SMAD3: variants seen among roughly 807,000 people sequenced by gnomAD.
SMAD3 encodes the protein MAD homolog 3.
A neutral mutation model predicts 51.8 loss-of-function variants in SMAD3; 12 were observed. That is an observed-to-expected ratio of 0.23 (90% CI 0.15 to 0.38). The LOEUF (loss-of-function observed/expected upper bound fraction) is 0.38, where lower values mean the gene tolerates loss of function less well. Among genes scored for constraint, SMAD3 ranks in the 10% least tolerant of loss-of-function variants. The probability of loss-of-function intolerance (pLI) is 1.00; values close to 1 mark genes in which losing one functional copy is unlikely to be tolerated. For missense variants in SMAD3, 294 were observed against 565.6 expected, an observed-to-expected ratio of 0.52 and a Z score of 4.87; for synonymous variants, 238 against 227.7, an observed-to-expected ratio of 1.05 and a Z score of -0.41.
intron 1 of SMAD3, among the ~76,000 whole-genome samples, chr15:67,097,440 C>T (rs1960638562): frequency 6.6e-6 from 1 of 152,012 alleles, no homozygotes. Flanking sequence ...AACAGAGTTT[C>T]ACTATGTTGC....
At position 67,112,597 on chromosome 15, in the gene SMAD3, T is replaced by C. The variant is rs554992361; in HGVS notation, c.206+46237T>C. Among the ~76,000 whole-genome samples, 4 of 134,514 alleles carry C rather than the reference T, an allele frequency of 3.0e-5. 1 individual carries two copies. In the South Asian group the frequency reaches 1.0e-3, roughly 34 times the overall value. 88.2% of individuals were successfully genotyped at this position (134,514 alleles called of 152,430 possible). The stretch of plus-strand genomic sequence containing the variant: ...TTATTTCTTTCAATTCTGTGGGTTG[T>C]TTTTTCACTCTCTTGATGGTGTTTT... On this transcript the variant is annotated intron_variant, in intron 1 of 8. Transcript: ENST00000327367.
intron 5 of SMAD3, 151 bp downstream of exon 5, chr15:67,170,755 G>GTTGAGGTCACCACGGAATGGGGAAAC (rs1403140535): frequency 3.0e-6 from 2 of 664,010 alleles, no homozygotes; most frequent in Non-Finnish European, 5.3e-6. Context: ...TTACGGTGAT[G>GTTGAGGTCACCACGGAATGGGGAAAC]TTGAGGTCAC....
At chr15:67,082,696 C>T (rs1960303718) in intron 1 of SMAD3, among the ~76,000 whole-genome samples, 1 of 152,116 alleles carries the variant, frequency 6.6e-6, no homozygotes, top group South Asian at 2.1e-4. Flanking sequence ...TAGGGAATAC[C>T]CTTGAGTCTT....
At position 67,098,929 on chromosome 15, in the gene SMAD3, C is replaced by T. The variant is rs547430813; in HGVS notation, c.206+32569C>T. 9 of 702,382 alleles carry T rather than the reference C, an allele frequency of 1.3e-5. No homozygotes were observed. In the East Asian group the frequency reaches 1.9e-4, roughly 15 times the overall value. 43.5% of individuals were successfully genotyped at this position (702,382 alleles called of 1,614,324 possible). On this transcript the variant is annotated intron_variant, in intron 1 of 8. Coordinates refer to ENST00000327367, the MANE Select transcript of SMAD3 (RefSeq NM_005902.4). Reference sequence around the variant, plus strand: ...CCAGTGTGGAGGAGGGTCAGGCAGCCCATGGAGATGGGACAGTGTTCTGAA... The same window carrying T: ...CCAGTGTGGAGGAGGGTCAGGCAGCTCATGGAGATGGGACAGTGTTCTGAA...
intron 1 of SMAD3, among the ~76,000 whole-genome samples, chr15:67,072,906 A>G (rs1012930856): frequency 6.6e-6 from 1 of 152,216 alleles, no homozygotes; most frequent in Non-Finnish European, 1.5e-5. Flanking sequence ...GACAATTCCA[A>G]GAGAACTTGT....
rs2140188161 is a variant in SMAD3 at position 67,065,850 on chromosome 15, G to C, written c.-305G>C. 4.6e-6 allele frequency: 1 copy of C among 216,860 alleles called. No individual in the cohort carries two copies. The highest frequency in any genetic ancestry group is 9.3e-6 in the Non-Finnish European group (1 of 107,754). The allele number at this position is 216,860 out of a possible 1,614,324, so 13.4% of individuals were successfully genotyped here. On this transcript the variant is annotated 5_prime_UTR_variant, in exon 1 of 9. Transcript: ENST00000327367. ...AAACCCAAACTTCTGCTGCCACTTGGAGTCTCGCGGCCGCCGCCTCCGCCC... is the reference window on the plus strand; with the variant it reads ...AAACCCAAACTTCTGCTGCCACTTGCAGTCTCGCGGCCGCCGCCTCCGCCC...
chr15:67,190,830 C>T lies in SMAD3; in HGVS notation c.*294C>T. 2.1e-6 allele frequency: 1 copy of T among 467,586 alleles called. No homozygotes were observed. The highest frequency in any genetic ancestry group is 3.9e-6 in the Non-Finnish European group (1 of 255,702). The allele number at this position is 467,586 out of a possible 1,614,324, so 29.0% of individuals were successfully genotyped here. On this transcript the variant is annotated 3_prime_UTR_variant, in exon 9 of 9. Coordinates refer to ENST00000327367, the MANE Select transcript of SMAD3 (RefSeq NM_005902.4). ...GAACAGGTAGTATTACACCACCGGC[C>T]CCCTCCCCCCAGACTCTTTTTTTGA...
chr15:67,129,985 T>C (rs914640590), intron 1 of SMAD3, among the ~76,000 whole-genome samples: 1 of 152,140 alleles, frequency 6.6e-6, no homozygotes, highest in African/African-American at 2.4e-5. Context: ...AGTGGAGTCA[T>C]TGAGCTCACT....
rs1238742885 is a variant in SMAD3, at chr15:67,181,197, GCTTGGGA to G, written c.659-42_659-36del. ...TGGGACCCCATCGAGGGAGCATGGG[GCTTGGGA>G]CACCCAATGACCCAGTAGCCCACCC... On this transcript the variant is annotated intron_variant, in intron 5 of 8. Coordinates refer to ENST00000327367, the MANE Select transcript of SMAD3 (RefSeq NM_005902.4). 4.0e-6 allele frequency: 6 copies of G among 1,487,284 alleles called. No individual in the cohort carries two copies. In the East Asian group the frequency reaches 1.4e-4, roughly 34 times the overall value. 92.1% of individuals were successfully genotyped at this position (1,487,284 alleles called of 1,614,324 possible).
In SMAD3 at chr15:67,164,922, C is replaced by T; in HGVS notation, c.234C>T (p.Ser78=). The T allele has an allele frequency of 6.2e-7, 1 of 1,613,294 alleles. No homozygotes were observed. The highest frequency in any genetic ancestry group is 8.5e-7 in the Non-Finnish European group (1 of 1,180,036). The change falls in exon 2 of 9, where the codon TCC becomes TCT. Residue 78 remains serine, a synonymous_variant. Coordinates refer to ENST00000327367, the MANE Select transcript of SMAD3 (RefSeq NM_005902.4). The stretch of plus-strand genomic sequence containing the variant: ...CCCTGGATGGCCGGTTGCAGGTGTC[C>T]CATCGGAAGGGGCTCCCTCATGTCA... The part of the protein sequence containing the change: ...PRSLDGRLQV[S]HRKGLPHVIY...
chr15:67,112,340 T>C (rs75831415), intron 1 of SMAD3, among the ~76,000 whole-genome samples: 15 of 141,444 alleles, frequency 1.1e-4, no homozygotes, highest in South Asian at 2.4e-4. Flanking sequence ...TTTTTTTTTT[T>C]AGTAGAGATG....
Position 67,181,789 on chromosome 15 carries a change from ATT to A in SMAD3, c.871+351_871+352del, listed in dbSNP as rs10713173. 8.4e-3 allele frequency among the ~76,000 whole-genome samples: 1,162 copies of A among 137,738 alleles called. 3 individuals carry two copies. Among genetic ancestry groups the A allele is most frequent in the African/African-American group, 0.01 (378 of 37,522 alleles). 90.4% of individuals were successfully genotyped at this position (137,738 alleles called of 152,430 possible). ...ATGAGAAAGGCAACATATGAAATCT[ATT>A]TTTTTTTTTTTTTTGGAGACAGAGT... is the stretch of plus-strand genomic sequence containing the variant. On this transcript the variant is annotated intron_variant, in intron 6 of 8. Transcript: ENST00000327367.
intron 1 of SMAD3, among the ~76,000 whole-genome samples, chr15:67,137,791 C>A (rs1218185603): frequency 6.6e-6 from 1 of 152,180 alleles, no homozygotes; most frequent in African/African-American, 2.4e-5. Context: ...GGCCAGAAGG[C>A]CCATAGGGTC....
intron 1 of SMAD3, among the ~76,000 whole-genome samples, chr15:67,153,122 T>G (rs2140279268): frequency 6.6e-6 from 1 of 152,224 alleles, no homozygotes; most frequent in South Asian, 2.1e-4. Context: ...GATGAGATAC[T>G]CAGCCTGCAG....
At chr15:67,190,008 T>C (rs1963318606) in intron 8 of SMAD3, among the ~76,000 whole-genome samples, 1 of 151,736 alleles carries the variant, frequency 6.6e-6, no homozygotes, top group Non-Finnish European at 1.5e-5. Flanking sequence ...GATTTCGAGA[T>C]AGGGGAGCGG....
At chr15:67,073,222 C>T (rs959356858) in intron 1 of SMAD3, among the ~76,000 whole-genome samples, 7 of 152,146 alleles carry the variant, frequency 4.6e-5, no homozygotes, top group Non-Finnish European at 7.3e-5. Flanking sequence ...TCCTTTGTTT[C>T]GACTTAACAG....
intron 1 of SMAD3, among the ~76,000 whole-genome samples, chr15:67,080,464 G>A (rs988407105): frequency 7.2e-5 from 11 of 152,110 alleles, no homozygotes; most frequent in African/African-American, 2.2e-4. Flanking sequence ...CTACTATGTC[G>A]GCACCATCAT....
rs949564107 is a variant in SMAD3 at position 67,184,658 on chromosome 15, C to T, written c.872-69C>T. ...CTGCTGTTCTGCCTCCTTTGCGAGC[C>T]TCAGGTGGCCCCAGGGCCATTGTGT... is the stretch of plus-strand genomic sequence containing the variant. On this transcript the variant is annotated intron_variant, in intron 6 of 8. Coordinates refer to ENST00000327367, the MANE Select transcript of SMAD3 (RefSeq NM_005902.4). The T allele has an allele frequency of 8.8e-6, 14 of 1,589,554 alleles. No homozygotes were observed. In the Admixed American group the frequency reaches 1.0e-4, roughly 11 times the overall value.
chr15:67,074,082 A>G (rs1960115506), intron 1 of SMAD3, among the ~76,000 whole-genome samples: 1 of 152,254 alleles, frequency 6.6e-6, no homozygotes, highest in Non-Finnish European at 1.5e-5. Context: ...GGTGTCAATT[A>G]ATTTACATAA....
Sources: allele counts gnomAD v4.1 joint callset (sites outside exome capture counted in the v4.1 genomes callset), GRCh38; gene constraint gnomAD v4.1.1; transcripts MANE v1.5; gene names NCBI Gene and HGNC (gene_info 2026-07-23, HGNC 2026-07-21).